Variants in GLT1D1 observed in about 807,000 individuals in gnomAD.
GLT1D1 encodes glycosyltransferase 1 domain-containing protein 1.
Under a neutral mutation model 28.7 loss-of-function variants are expected in GLT1D1, and 21 were observed. The ratio of observed to expected loss-of-function variants is 0.73; its 90% CI spans 0.52 to 1.05. The LOEUF (loss-of-function observed/expected upper bound fraction) is 1.05, where lower values mean the gene tolerates loss of function less well. GLT1D1 is among the 50% of genes least tolerant of loss of function. The pLI, the probability that GLT1D1 is intolerant of heterozygous loss-of-function variation, is 0.00. For synonymous variants in GLT1D1, 147 were observed against 124.8 expected, an observed-to-expected ratio of 1.18 and a Z score of -1.19; for missense variants, 343 against 330.6, an observed-to-expected ratio of 1.04 and a Z score of -0.29.
At chr12:128,927,484 C>A (rs188440574) in intron 4 of GLT1D1, among the ~76,000 whole-genome samples, 3 of 109,024 alleles carry the variant, frequency 2.8e-5, no homozygotes, top group African/African-American at 7.9e-5. Flanking sequence ...GTGATCCACA[C>A]GCCTCGGCCT....
At chr12:128,903,785 C>A (rs1870555691) in intron 4 of GLT1D1, among the ~76,000 whole-genome samples, 2 of 151,688 alleles carry the variant, frequency 1.3e-5, no homozygotes, top group Non-Finnish European at 2.9e-5. Flanking sequence ...AGGTGAAGTA[C>A]AGTGGCGCAA....
intron 4 of GLT1D1, 82 bp downstream of exon 8, chr12:128,927,236 A>G (rs1430978719): frequency 4.6e-6 from 5 of 1,081,032 alleles, no homozygotes; most frequent in Non-Finnish European, 4.1e-6. Flanking sequence ...ATCAGTTTAC[A>G]TTGCTCTTCT....
At chr12:128,862,872 G>A (rs566717896) in intron 1 of GLT1D1, among the ~76,000 whole-genome samples, 2 of 152,186 alleles carry the variant, frequency 1.3e-5, no homozygotes, top group African/African-American at 2.4e-5. Flanking sequence ...ACACAAGCAC[G>A]TAATTACCCA....
chr12:128,856,083 T>C (rs1956214299), intron 1 of GLT1D1, among the ~76,000 whole-genome samples: 1 of 152,190 alleles, frequency 6.6e-6, no homozygotes, highest in Non-Finnish European at 1.5e-5. Flanking sequence ...TATTTCTTGA[T>C]GATATGCTAA....
chr12:128,853,772 C>A, intron 1 of GLT1D1, 123 bp downstream of exon 1: 1 of 651,040 alleles, frequency 1.5e-6, no homozygotes, highest in African/African-American at 2.0e-5. Context: ...CGTCCCGAGC[C>A]GCGCGCACAA....
intron 4 of GLT1D1, chr12:128,926,427 C>A: frequency 6.5e-7 from 1 of 1,528,446 alleles, no homozygotes; most frequent in Non-Finnish European, 8.8e-7. Context: ...AGTTAAGGAT[C>A]CTCTCTATCT....
chr12:128,974,006 G>T (rs1366675365), intron 7 of GLT1D1, among the ~76,000 whole-genome samples: 1 of 151,118 alleles, frequency 6.6e-6, no homozygotes, highest in Non-Finnish European at 1.5e-5. Flanking sequence ...GGTGCTCAGA[G>T]GGGGACAGTC....
At chr12:128,968,786 G>A (rs1460885779) in intron 7 of GLT1D1, among the ~76,000 whole-genome samples, 1 of 152,156 alleles carries the variant, frequency 6.6e-6, no homozygotes, top group Non-Finnish European at 1.5e-5. Flanking sequence ...TCTCCAGTGA[G>A]CTAGAGAGGG....
intron 7 of GLT1D1, among the ~76,000 whole-genome samples, chr12:128,972,874 C>T (rs183670244): frequency 1.3e-5 from 2 of 152,268 alleles, no homozygotes; most frequent in African/African-American, 4.8e-5. Context: ...ATGATGAAAT[C>T]GAGCTAATTA....
rs898447423 is a variant in GLT1D1, at chr12:128,958,273, A to C, written c.639+630A>C. ...GACGCCCTGAGTGCCTCCTGCAGAG[A>C]GTGACCCTGGCCGAGTCTCCAAGCC... On this transcript the variant is annotated intron_variant, in intron 7 of 7. Coordinates refer to ENST00000281703, the MANE Select transcript of GLT1D1 (RefSeq NM_144669.3). Among the ~76,000 whole-genome samples, 4 of 152,172 alleles carry C rather than the reference A, an allele frequency of 2.6e-5. No homozygotes were observed. In the East Asian group the frequency reaches 5.8e-4, roughly 22 times the overall value.
chr12:128,885,658 A>T (rs1158539346), intron 2 of GLT1D1, among the ~76,000 whole-genome samples: 1 of 152,210 alleles, frequency 6.6e-6, no homozygotes, highest in African/African-American at 2.4e-5. Flanking sequence ...AAGTCCTGTG[A>T]TTTCTCCAGA....
At chr12:128,939,713 G>A (rs190277561) in intron 4 of GLT1D1, among the ~76,000 whole-genome samples, 6 of 152,164 alleles carry the variant, frequency 3.9e-5, no homozygotes, top group East Asian at 1.9e-4. Flanking sequence ...AAGTAGGCGC[G>A]TCTTACATGT....
At chr12:128,868,379 C>A (rs1363994519) in intron 1 of GLT1D1, among the ~76,000 whole-genome samples, 1 of 152,086 alleles carries the variant, frequency 6.6e-6, no homozygotes, top group African/African-American at 2.4e-5. Flanking sequence ...TGGGGCTCGT[C>A]CTCCTCAAGT....
At chr12:128,914,700 C>T (rs998102414) in intron 4 of GLT1D1, among the ~76,000 whole-genome samples, 4 of 151,858 alleles carry the variant, frequency 2.6e-5, no homozygotes, top group Non-Finnish European at 5.9e-5. Context: ...GGCGCCTATA[C>T]TCCCAGCTAC....
At chr12:128,966,530 C>G (rs893194603) in intron 7 of GLT1D1, among the ~76,000 whole-genome samples, 1 of 152,204 alleles carries the variant, frequency 6.6e-6, no homozygotes, top group Non-Finnish European at 1.5e-5. Flanking sequence ...CCTCCTCAGA[C>G]TGTTAGATCC....
rs765723970 is a variant in GLT1D1, at chr12:128,926,436, C to G, written c.376-18890C>G. The G allele has an allele frequency of 2.7e-4, 410 of 1,522,546 alleles. 2 individuals are homozygous for G. The highest frequency in any genetic ancestry group is 3.1e-4 in the Admixed American group (16 of 50,894). 94.3% of individuals were successfully genotyped at this position (1,522,546 alleles called of 1,614,324 possible). On this transcript the variant is annotated intron_variant, in intron 4 of 7. Coordinates refer to ENST00000281703, the MANE Select transcript of GLT1D1 (RefSeq NM_144669.3). ...TCGACAAGTTAAGGATCCTCTCTAT[C>G]TGGTGGACGCATTTTCAGGTGTGTT... is the stretch of plus-strand genomic sequence containing the variant.
intron 4 of GLT1D1, among the ~76,000 whole-genome samples, chr12:128,910,264 CTTTTTT>C (rs11361008): frequency 4.4e-4 from 50 of 114,266 alleles, no homozygotes; most frequent in Admixed American, 2.5e-3. Flanking sequence ...AAGTTTAACT[CTTTTTT>C]TTTTTTTTTT....
At chr12:128,908,127 G>A (rs1041462771) in intron 4 of GLT1D1, among the ~76,000 whole-genome samples, 10 of 152,046 alleles carry the variant, frequency 6.6e-5, no homozygotes, top group African/African-American at 1.7e-4. Flanking sequence ...TGTCCCCCAC[G>A]CTGGAGTGCA....
At chr12:128,927,322 T>C (rs992643937) in intron 4 of GLT1D1, among the ~76,000 whole-genome samples, 168 bp downstream of exon 8, 1 of 152,146 alleles carries the variant, frequency 6.6e-6, no homozygotes, top group Non-Finnish European at 1.5e-5. Flanking sequence ...CACTGCAACC[T>C]CTACCTCCCG....
Sources: gnomAD v4.1 joint callset for allele counts (sites outside exome capture counted in the v4.1 genomes callset) on GRCh38, gnomAD v4.1.1 for gene constraint, MANE v1.5 for transcripts, NCBI Gene and HGNC (gene_info 2026-07-23, HGNC 2026-07-21) for gene names.